Variants in CCDC172 observed in about 807,000 individuals in gnomAD.
CCDC172 encodes the protein coiled-coil domain containing 172.
In CCDC172, 30 loss-of-function variants were observed where a neutral mutation model predicts 38.0. The observed-to-expected ratio is 0.79, with a 90% CI of 0.59 to 1.07. The LOEUF (loss-of-function observed/expected upper bound fraction) is 1.07. CCDC172 is among the 50% of genes least tolerant of loss of function. CCDC172 has a pLI of 0.00. For synonymous variants in CCDC172, 78 were observed against 88.3 expected (o/e 0.88, Z 0.66); for missense variants, 297 against 290.1 (o/e 1.02, Z -0.17).
At chr10:116,362,330 G>A (rs943775982) in intron 7 of CCDC172, among the ~76,000 whole-genome samples, 4 of 152,218 alleles carry the variant, frequency 2.6e-5, no homozygotes, top group Non-Finnish European at 4.4e-5. Flanking sequence ...TTATCAAAAT[G>A]TAGATGTTTT....
chr10:116,357,457 T>C lies in CCDC172; in HGVS notation c.526T>C (p.Phe176Leu), dbSNP rs772656092. ...KQKSELIQEL[F>L]TLQRKLKVFE... ...AAAGAGTGAATTGATACAAGAATTA[T>C]TTACTCTCCAAAGAAAACTTAAAGG... The change falls in exon 6 of 9, where the codon TTT (phenylalanine) becomes CTT (leucine). Residue 176 changes from phenylalanine to leucine, a missense_variant. By Grantham distance (22) the Phe-to-Leu change is conservative. Coordinates refer to ENST00000333254, the MANE Select transcript of CCDC172 (RefSeq NM_198515.3). 2.5e-6 allele frequency: 4 copies of C among 1,577,286 alleles called. No individual in the cohort carries two copies. The highest frequency in any genetic ancestry group is 3.4e-6 in the Non-Finnish European group (4 of 1,163,924).
intron 7 of CCDC172, among the ~76,000 whole-genome samples, chr10:116,365,537 C>T (rs1287709764): frequency 6.6e-6 from 1 of 152,122 alleles, no homozygotes; most frequent in Non-Finnish European, 1.5e-5. Flanking sequence ...TTGTAACTCT[C>T]CACTTAACTT....
rs543037840 is a variant in CCDC172 at position 116,362,436 on chromosome 10, A to C, written c.653+4498A>C. On this transcript the variant is annotated intron_variant, in intron 7 of 8. Transcript: ENST00000333254. ...TCTCTCATTAATGGATGTACAAGAT[A>C]GTTTCTAAATATTCATAATTAGACA... 8.0e-4 allele frequency among the ~76,000 whole-genome samples: 122 copies of C among 152,340 alleles called. 1 individual carries two copies. Among genetic ancestry groups the C allele is most frequent in the African/African-American group, 2.9e-3 (120 of 41,584 alleles).
chr10:116,333,390 T>G (rs1156883487), intron 3 of CCDC172, among the ~76,000 whole-genome samples: 1 of 152,202 alleles, frequency 6.6e-6, no homozygotes, highest in Non-Finnish European at 1.5e-5. Context: ...GTAGTGTAGC[T>G]TTATTGCCTG....
At chr10:116,358,649 A>G (rs924118899) in intron 7 of CCDC172, among the ~76,000 whole-genome samples, 1 of 152,204 alleles carries the variant, frequency 6.6e-6, no homozygotes, top group Non-Finnish European at 1.5e-5. Context: ...CTAGAGCTGA[A>G]CAAATGCTTC....
intron 7 of CCDC172, among the ~76,000 whole-genome samples, chr10:116,371,749 G>T (rs1261654081): frequency 4.6e-5 from 7 of 152,000 alleles, no homozygotes; most frequent in Non-Finnish European, 1.0e-4. Flanking sequence ...AATTTGCAGG[G>T]ACTATAACAT....
Position 116,325,007 on chromosome 10 carries a change from C to T in CCDC172, c.-5C>T. ...AGAAAAGGATCGCAGGAGCCAGGCC[C>T]TGAGATGAGCTTGGAGTCCCTGTTT... On this transcript the variant is annotated 5_prime_UTR_variant, in exon 2 of 9. Coordinates refer to ENST00000333254, the MANE Select transcript of CCDC172 (RefSeq NM_198515.3). 1 of 1,613,848 alleles carries T rather than the reference C, an allele frequency of 6.2e-7. No homozygotes were observed.
chr10:116,340,876 T>A (rs1199578885), intron 4 of CCDC172, 26 bp downstream of exon 4: 2 of 1,152,296 alleles, frequency 1.7e-6, no homozygotes, highest in African/African-American at 1.5e-5. Context: ...CCTAGAAAAA[T>A]CTATTTCACT....
At chr10:116,377,718 C>A (rs1389390554) in intron 7 of CCDC172, among the ~76,000 whole-genome samples, 1 of 147,156 alleles carries the variant, frequency 6.8e-6, no homozygotes, top group African/African-American at 2.7e-5. Flanking sequence ...GCTCAAGGGT[C>A]ATTTTTTTTT....
intron 7 of CCDC172, among the ~76,000 whole-genome samples, chr10:116,368,827 T>G (rs1845154540): frequency 6.6e-6 from 1 of 152,030 alleles, no homozygotes; most frequent in Admixed American, 6.6e-5. Flanking sequence ...TTACACAATC[T>G]CCTCCAACTC....
intron 5 of CCDC172, among the ~76,000 whole-genome samples, chr10:116,344,467 A>G (rs1458219559): frequency 6.6e-6 from 1 of 152,194 alleles, no homozygotes; most frequent in Non-Finnish European, 1.5e-5. Flanking sequence ...CAGCAAAAAT[A>G]CAGTATAAAT....
intron 7 of CCDC172, among the ~76,000 whole-genome samples, chr10:116,375,470 A>AG (rs1845234285): frequency 4.1e-5 from 1 of 24,594 alleles, no homozygotes; most frequent in Non-Finnish European, 7.4e-5. Context: ...GACAGGCCCC[A>AG]GTATGTGATG....
chr10:116,349,760 A>G (rs1428216788), intron 5 of CCDC172, among the ~76,000 whole-genome samples: 2 of 152,200 alleles, frequency 1.3e-5, no homozygotes, highest in Non-Finnish European at 2.9e-5. Context: ...AAAAGAAGAA[A>G]AAAATCCCTG....
At chr10:116,373,165 G>A (rs1467711182) in intron 7 of CCDC172, among the ~76,000 whole-genome samples, 1 of 151,986 alleles carries the variant, frequency 6.6e-6, no homozygotes, top group Non-Finnish European at 1.5e-5. Flanking sequence ...AGGCTGAAGT[G>A]GGCAGATAGC....
chr10:116,369,726 A>G (rs1845163853), intron 7 of CCDC172, among the ~76,000 whole-genome samples: 1 of 152,044 alleles, frequency 6.6e-6, no homozygotes. Flanking sequence ...CTTACTGGAT[A>G]TGGAGTGGCA....
intron 7 of CCDC172, among the ~76,000 whole-genome samples, chr10:116,375,793 T>A (rs980440863): frequency 1.2e-4 from 19 of 152,296 alleles, no homozygotes; most frequent in African/African-American, 2.6e-4. Context: ...TTATCACTGG[T>A]CATTAGAGAA....
chr10:116,335,888 C>T (rs1486671670), intron 3 of CCDC172, among the ~76,000 whole-genome samples: 1 of 151,880 alleles, frequency 6.6e-6, no homozygotes, highest in Non-Finnish European at 1.5e-5. Context: ...ATAATGGGGC[C>T]AGGTGCGGTG....
chr10:116,325,525 T>G (rs1440218191), intron 3 of CCDC172, 137 bp downstream of exon 3: 1 of 630,972 alleles, frequency 1.6e-6, no homozygotes, highest in African/African-American at 1.8e-5. Flanking sequence ...TTTAGTTCCA[T>G]GTTGCCTGGT....
rs566963822 is a variant in CCDC172 at position 116,339,950 on chromosome 10, G to A, written c.166-784G>A. ...CCTTTTTCTTTTCCCTGTGGAGATGGGAACAGCCCCAAACTGGAAACGATG... is the reference window on the plus strand; with the variant it reads ...CCTTTTTCTTTTCCCTGTGGAGATGAGAACAGCCCCAAACTGGAAACGATG... On this transcript the variant is annotated intron_variant, in intron 3 of 8. Transcript: ENST00000333254. 1.5e-4 allele frequency among the ~76,000 whole-genome samples: 23 copies of A among 151,962 alleles called. No individual in the cohort carries two copies. The South Asian group carries it at 4.4e-3, about 29-fold the overall frequency.
Sources: gnomAD v4.1 joint callset for allele counts (sites outside exome capture counted in the v4.1 genomes callset) on GRCh38, gnomAD v4.1.1 for gene constraint, MANE v1.5 for transcripts, NCBI Gene and HGNC (gene_info 2026-07-23, HGNC 2026-07-21) for gene names.